The following MIPOL1 variants were observed in gnomAD, a reference collection of about 807,000 sequenced individuals.
The protein encoded by MIPOL1 is mirror-image polydactyly 1.
A neutral mutation model predicts 60.9 loss-of-function variants in MIPOL1; 57 were observed. The observed-to-expected ratio is 0.94, with a 90% CI of 0.76 to 1.17. MIPOL1 has a LOEUF of 1.17. Ranked by LOEUF, MIPOL1 falls within the 50% of genes most tolerant of loss-of-function variation. MIPOL1 has a pLI of 0.00. For missense variants in MIPOL1, 551 were observed against 511.6 expected (o/e 1.08, Z -0.74); for synonymous variants, 179 against 168.8 (o/e 1.06, Z -0.47).
At chr14:37,259,576 C>A (rs561930995) in intron 3 of MIPOL1, among the ~76,000 whole-genome samples, 3 of 151,026 alleles carry the variant, frequency 2.0e-5, no homozygotes, top group Non-Finnish European at 4.4e-5. Context: ...TAAAAAAAAA[C>A]AAAAAAAACA....
intron 1 of MIPOL1, among the ~76,000 whole-genome samples, chr14:37,200,995 T>C (rs1288976464): frequency 1.3e-5 from 2 of 150,014 alleles, no homozygotes; most frequent in Non-Finnish European, 3.0e-5. Flanking sequence ...CTCTGCCTCC[T>C]GGGCTGAAGT....
intron 12 of MIPOL1, among the ~76,000 whole-genome samples, chr14:37,532,358 A>G (rs2095484751): frequency 6.6e-6 from 1 of 152,164 alleles, no homozygotes; most frequent in Admixed American, 6.5e-5. Flanking sequence ...ACTACCAAAG[A>G]ATAATCTAGG....
At chr14:37,418,057 G>C (rs188088009) in intron 10 of MIPOL1, among the ~76,000 whole-genome samples, 44 of 152,218 alleles carry the variant, frequency 2.9e-4, no homozygotes, top group African/African-American at 8.9e-4. Flanking sequence ...TGTACTGTAT[G>C]CTTCTTTATT....
intron 11 of MIPOL1, among the ~76,000 whole-genome samples, chr14:37,490,692 G>T (rs1309978103): frequency 1.3e-5 from 2 of 152,116 alleles, no homozygotes; most frequent in Non-Finnish European, 2.9e-5. Flanking sequence ...AGCTTCCCTT[G>T]GGTAGGGAAG....
intron 12 of MIPOL1, among the ~76,000 whole-genome samples, chr14:37,512,626 A>G (rs1395829049): frequency 1.3e-5 from 2 of 151,980 alleles, no homozygotes; most frequent in Non-Finnish European, 2.9e-5. Flanking sequence ...TTATAATTTC[A>G]TTGTCTTTTC....
intron 9 of MIPOL1, among the ~76,000 whole-genome samples, chr14:37,355,835 C>A (rs1290998359): frequency 6.0e-5 from 9 of 150,300 alleles, no homozygotes; most frequent in Non-Finnish European, 8.9e-5. Context: ...TTTTCAACTT[C>A]TTTGCCTTTG....
At chr14:37,324,474 C>T (rs1033169367) in intron 9 of MIPOL1, among the ~76,000 whole-genome samples, 38 of 151,926 alleles carry the variant, frequency 2.5e-4, no homozygotes, top group African/African-American at 8.7e-4. Context: ...GGATGAAGTC[C>T]GTTGTCAGAT....
At chr14:37,343,089 A>G (rs1595255970) in intron 9 of MIPOL1, among the ~76,000 whole-genome samples, 1 of 151,146 alleles carries the variant, frequency 6.6e-6, no homozygotes, top group East Asian at 1.9e-4. Context: ...ATGCTCAATA[A>G]TTATTTATTG....
intron 9 of MIPOL1, among the ~76,000 whole-genome samples, chr14:37,343,093 T>C (rs1367171520): frequency 1.3e-5 from 2 of 151,200 alleles, no homozygotes; most frequent in African/African-American, 4.8e-5. Context: ...TCAATAATTA[T>C]TTATTGAATA....
At chr14:37,512,928 A>G (rs1034574653) in intron 12 of MIPOL1, among the ~76,000 whole-genome samples, 2 of 152,148 alleles carry the variant, frequency 1.3e-5, no homozygotes, top group African/African-American at 4.8e-5. Context: ...GAAATTTAAA[A>G]GCTGTGAAAT....
At chr14:37,420,972 C>T (rs1027590049) in intron 10 of MIPOL1, among the ~76,000 whole-genome samples, 1 of 152,042 alleles carries the variant, frequency 6.6e-6, no homozygotes, top group African/African-American at 2.4e-5. Flanking sequence ...TAGCTTTGAA[C>T]ATAATCACTA....
At chr14:37,482,335 TA>T (rs1194768809) in intron 11 of MIPOL1, among the ~76,000 whole-genome samples, 2 of 152,170 alleles carry the variant, frequency 1.3e-5, no homozygotes, top group African/African-American at 4.8e-5. Flanking sequence ...GTTTAATTGC[TA>T]ATTATAGGGA....
intron 9 of MIPOL1, among the ~76,000 whole-genome samples, chr14:37,314,904 A>G (rs928895947): frequency 5.9e-5 from 9 of 152,204 alleles, no homozygotes; most frequent in Non-Finnish European, 1.0e-4. Flanking sequence ...ATTCATCCAC[A>G]TTTTATTGAG....
chr14:37,231,190 C>T (rs537048248), intron 1 of MIPOL1, among the ~76,000 whole-genome samples: 17 of 152,116 alleles, frequency 1.1e-4, no homozygotes, highest in Non-Finnish European at 2.4e-4. Flanking sequence ...TGGTTTCAAG[C>T]GATCCTCCCA....
intron 9 of MIPOL1, among the ~76,000 whole-genome samples, chr14:37,357,255 C>T (rs2091910063): frequency 6.6e-6 from 1 of 152,194 alleles, no homozygotes; most frequent in African/African-American, 2.4e-5. Context: ...TATTTTCTCC[C>T]ATATTGTCTC....
At chr14:37,381,206 A>G (rs1426845575) in intron 10 of MIPOL1, among the ~76,000 whole-genome samples, 1 of 151,992 alleles carries the variant, frequency 6.6e-6, no homozygotes, top group Admixed American at 6.6e-5. Context: ...GCCCACATCA[A>G]TAGTAGGTAC....
chr14:37,411,562 T>C (rs1466245626), intron 10 of MIPOL1, among the ~76,000 whole-genome samples: 1 of 152,102 alleles, frequency 6.6e-6, no homozygotes, highest in African/African-American at 2.4e-5. Flanking sequence ...ACTCTAGTTC[T>C]CTATGGTTGG....
intron 12 of MIPOL1, among the ~76,000 whole-genome samples, chr14:37,539,282 A>G (rs1790180209): frequency 6.6e-6 from 1 of 152,220 alleles, no homozygotes; most frequent in Non-Finnish European, 1.5e-5. Context: ...AGTTGTTTTA[A>G]GCTACTGACT....
chr14:37,261,512 C>G (rs2082518843), intron 3 of MIPOL1, among the ~76,000 whole-genome samples: 1 of 151,822 alleles, frequency 6.6e-6, no homozygotes, highest in Non-Finnish European at 1.5e-5. Flanking sequence ...AGAATAATAA[C>G]TAGGAAAATA....
Sources: allele counts gnomAD v4.1 joint callset (sites outside exome capture counted in the v4.1 genomes callset), GRCh38; gene constraint gnomAD v4.1.1; transcripts MANE v1.5; gene names NCBI Gene and HGNC (gene_info 2026-07-23, HGNC 2026-07-21).